ROBO1: variants seen among roughly 807,000 people sequenced by gnomAD.
ROBO1 encodes roundabout guidance receptor 1.
In ROBO1, 149 loss-of-function variants were observed where a neutral mutation model predicts 195.9. That is an observed-to-expected ratio of 0.76 (90% confidence interval 0.67 to 0.87). The LOEUF (loss-of-function observed/expected upper bound fraction) is 0.87, where lower values mean the gene tolerates loss of function less well. ROBO1 is among the 40% of genes least tolerant of loss of function. ROBO1 has a pLI of 0.00. For missense variants in ROBO1, 1,933 were observed against 2,068.3 expected, an observed-to-expected ratio of 0.93 and a Z score of 1.27; for synonymous variants, 816 against 733.2, an observed-to-expected ratio of 1.11 and a Z score of -1.82.
At chr3:79,756,991 T>C (rs1177892752) in intron 1 of ROBO1, among the ~76,000 whole-genome samples, 1 of 152,204 alleles carries the variant, frequency 6.6e-6, no homozygotes, top group Non-Finnish European at 1.5e-5. Flanking sequence ...TGTATCAGAA[T>C]TTCATTTCTT....
intron 1 of ROBO1, among the ~76,000 whole-genome samples, chr3:79,661,738 G>A (rs752218474): frequency 6.6e-5 from 10 of 151,660 alleles, no homozygotes; most frequent in Non-Finnish European, 8.8e-5. Context: ...AACCTGTTTC[G>A]CCTGCAAGAA....
intron 3 of ROBO1, among the ~76,000 whole-genome samples, chr3:78,949,556 C>T (rs2040654591): frequency 6.6e-6 from 1 of 152,156 alleles, no homozygotes; most frequent in South Asian, 2.1e-4. Context: ...ACCATAAAAA[C>T]CCTACAAGAA....
chr3:79,275,047 C>T (rs1576908765), intron 2 of ROBO1, among the ~76,000 whole-genome samples: 2 of 152,014 alleles, frequency 1.3e-5, no homozygotes, highest in South Asian at 4.1e-4. Flanking sequence ...CTGTATTTTA[C>T]CAAACATTTA....
At chr3:79,267,461 C>T (rs2030070870) in intron 2 of ROBO1, among the ~76,000 whole-genome samples, 1 of 151,268 alleles carries the variant, frequency 6.6e-6, no homozygotes, top group South Asian at 2.1e-4. Context: ...GCTTTACTCC[C>T]TCCATTAGTC....
chr3:79,507,870 T>A (rs1016046797), intron 2 of ROBO1: 1 of 154,740 alleles, frequency 6.5e-6, no homozygotes, highest in South Asian at 2.0e-4. Context: ...AAGAGATAAT[T>A]AGGCTAATAT....
At chr3:79,467,843 A>C (rs1461430067) in intron 2 of ROBO1, among the ~76,000 whole-genome samples, 1 of 152,068 alleles carries the variant, frequency 6.6e-6, no homozygotes, top group African/African-American at 2.4e-5. Context: ...GCCTGAAAGC[A>C]CTCACCCTGG....
intron 1 of ROBO1, among the ~76,000 whole-genome samples, chr3:79,669,653 C>A (rs534241899): frequency 6.6e-6 from 1 of 151,838 alleles, no homozygotes; most frequent in Admixed American, 6.6e-5. Flanking sequence ...AGCACTGAAG[C>A]TCACATTTCT....
chr3:79,121,228 C>T (rs181907580), intron 3 of ROBO1, among the ~76,000 whole-genome samples: 1 of 152,074 alleles, frequency 6.6e-6, no homozygotes, highest in African/African-American at 2.4e-5. Flanking sequence ...AGTACATACA[C>T]GTTAAAAATT....
intron 2 of ROBO1, among the ~76,000 whole-genome samples, chr3:79,484,846 C>G (rs1340423907): frequency 1.4e-5 from 2 of 140,824 alleles, no homozygotes; most frequent in Non-Finnish European, 3.0e-5. Flanking sequence ...CTCTATCTCC[C>G]AGGTTCAAGC....
chr3:79,099,421 A>G (rs1212493944), intron 3 of ROBO1, among the ~76,000 whole-genome samples: 1 of 151,768 alleles, frequency 6.6e-6, no homozygotes, highest in East Asian at 1.9e-4. Context: ...GTAGAAGACA[A>G]AATAAGACCT....
intron 1 of ROBO1, among the ~76,000 whole-genome samples, chr3:79,608,621 C>G (rs1170381714): frequency 1.3e-5 from 2 of 151,898 alleles, no homozygotes; most frequent in African/African-American, 4.8e-5. Flanking sequence ...GGATGTTTTC[C>G]TATAAAACTA....
intron 2 of ROBO1, among the ~76,000 whole-genome samples, chr3:79,552,761 G>C (rs1025819001): frequency 2.6e-5 from 4 of 152,072 alleles, no homozygotes; most frequent in Non-Finnish European, 5.9e-5. Context: ...TTAGGCTTCA[G>C]TTCCTGCCTG....
intron 2 of ROBO1, among the ~76,000 whole-genome samples, chr3:79,353,416 C>T (rs1305345588): frequency 6.6e-6 from 1 of 151,950 alleles, no homozygotes; most frequent in African/African-American, 2.4e-5. Flanking sequence ...CACACACACA[C>T]ACACACACAC....
chr3:78,905,788 T>C (rs1189964498), intron 4 of ROBO1, among the ~76,000 whole-genome samples: 1 of 152,132 alleles, frequency 6.6e-6, no homozygotes, highest in East Asian at 1.9e-4. Flanking sequence ...TCACAATAAA[T>C]CTTTAAAGGA....
At chr3:79,440,036 A>C (rs2039002831) in intron 2 of ROBO1, among the ~76,000 whole-genome samples, 1 of 152,050 alleles carries the variant, frequency 6.6e-6, no homozygotes, top group Admixed American at 6.6e-5. Context: ...GGTAGAGGGC[A>C]TGCCAGTCAC....
At chr3:79,458,878 A>G (rs2107245824) in intron 2 of ROBO1, among the ~76,000 whole-genome samples, 1 of 152,244 alleles carries the variant, frequency 6.6e-6, no homozygotes, top group South Asian at 2.1e-4. Flanking sequence ...TGCCAGAGTA[A>G]TACTTAAAAA....
chr3:79,332,150 GAA>G (rs1350093101), intron 2 of ROBO1, among the ~76,000 whole-genome samples: 1 of 94,224 alleles, frequency 1.1e-5, no homozygotes, highest in Non-Finnish European at 2.3e-5. Context: ...CTCAAAAAAA[GAA>G]AAAAAAAAAA....
intron 8 of ROBO1, among the ~76,000 whole-genome samples, chr3:78,700,366 A>G (rs1178286924): frequency 6.6e-6 from 1 of 152,210 alleles, no homozygotes. Context: ...GAAAGTGCTC[A>G]AGAATTGGTT....
intron 2 of ROBO1, among the ~76,000 whole-genome samples, chr3:79,259,146 T>C (rs2062872001): frequency 6.6e-6 from 1 of 152,074 alleles, no homozygotes; most frequent in South Asian, 2.1e-4. Context: ...CCAAATATAC[T>C]TTTTGTTGTT....
Sources: allele counts gnomAD v4.1 joint callset (sites outside exome capture counted in the v4.1 genomes callset), GRCh38; gene constraint gnomAD v4.1.1; transcripts MANE v1.5; gene names NCBI Gene and HGNC (gene_info 2026-07-23, HGNC 2026-07-21).